SYNE1: variants seen among roughly 807,000 people sequenced by gnomAD.
SYNE1 encodes nesprin-1.
Under a neutral mutation model 1,111.0 loss-of-function variants are expected in SYNE1, and 616 were observed. That is an observed-to-expected ratio of 0.55 (90% CI 0.52 to 0.59). The LOEUF is 0.59. SYNE1 is among the 20% of genes least tolerant of loss of function. The pLI is 0.00. For synonymous variants in SYNE1, 3,855 were observed against 3,825.8 expected, an observed-to-expected ratio of 1.01 and a Z score of -0.28; for missense variants, 10,006 against 10,417.0, an observed-to-expected ratio of 0.96 and a Z score of 1.72.
chr6:152,256,482 G>A, intron 102 of SYNE1, 152 bp downstream of exon 102: 1 of 742,524 alleles, frequency 1.3e-6, no homozygotes. Context: ...TGGGACTCCA[G>A]GGTCCAGTGA....
chr6:152,221,632 GTA>G (rs1318948676), intron 117 of SYNE1, 73 bp from the exon 118 acceptor site: 14 of 1,591,276 alleles, frequency 8.8e-6, no homozygotes, highest in East Asian at 4.5e-5. Context: ...AAAGGAATTT[GTA>G]TATGTTTTCA....
At chr6:152,349,401 G>A (rs1389700843) in intron 72 of SYNE1, among the ~76,000 whole-genome samples, 2 of 152,196 alleles carry the variant, frequency 1.3e-5, no homozygotes, top group Non-Finnish European at 2.9e-5. Context: ...AGATGGGCTG[G>A]TATTGTTATC....
chr6:152,156,275 A>G (rs2061356668), intron 131 of SYNE1, among the ~76,000 whole-genome samples, 178 bp from the exon 132 acceptor site: 1 of 152,234 alleles, frequency 6.6e-6, no homozygotes, highest in Non-Finnish European at 1.5e-5. Flanking sequence ...AGTACTAGAA[A>G]ATGGATGTAG....
At chr6:152,596,875 A>T (rs2099583511) in intron 3 of SYNE1, among the ~76,000 whole-genome samples, 1 of 152,194 alleles carries the variant, frequency 6.6e-6, no homozygotes, top group African/African-American at 2.4e-5. Context: ...GGTTTATTTC[A>T]CAAAGGACTG....
chr6:152,240,096 G>A (rs181444532), intron 107 of SYNE1, among the ~76,000 whole-genome samples: 28 of 152,264 alleles, frequency 1.8e-4, no homozygotes, highest in Non-Finnish European at 3.4e-4. Context: ...CATTTCTAGA[G>A]GAGAGTGAGG....
chr6:152,387,314 T>C lies in SYNE1; in HGVS notation c.8245A>G (p.Met2749Val). ...VERKNQLEQW[M>V]ESVDQKIEHP... The stretch of plus-strand genomic sequence containing the variant: ...TCTATTTTTTGATCCACTGATTCCA[T>C]CCACTGCTCCAACTGGTTTTTCCTC... Residue 2749 changes from methionine to valine, a missense_variant, in exon 54 of 146, where the codon ATG (methionine) becomes GTG (valine). By Grantham distance (21) the Met-to-Val change is conservative. Around this residue, in one of 7 missense-constraint regions of SYNE1, gnomAD observed 4,955 missense variants for 5,017.2 expected, o/e 0.99. Coordinates refer to ENST00000367255, the MANE Select transcript of SYNE1 (RefSeq NM_182961.4). The C allele has an allele frequency of 6.2e-7, 1 of 1,614,210 alleles. No individual in the cohort carries two copies. The highest frequency in any genetic ancestry group is 1.7e-5 in the Admixed American group (1 of 60,034).
intron 137 of SYNE1, chr6:152,147,605 A>T (rs2059740323): frequency 6.0e-6 from 1 of 166,708 alleles, no homozygotes. Context: ...TTCCGAGCCC[A>T]CCTGACCAAC....
intron 135 of SYNE1, among the ~76,000 whole-genome samples, chr6:152,150,938 A>G (rs557338902): frequency 6.6e-6 from 1 of 152,292 alleles, no homozygotes; most frequent in Non-Finnish European, 1.5e-5. Flanking sequence ...AAGGCCAGGA[A>G]GGGTGGCTCA....
Position 152,278,296 on chromosome 6 carries a change from T to C in SYNE1, c.18382-16A>G. The C allele has an allele frequency of 6.2e-7, 1 of 1,613,724 alleles. No individual in the cohort carries two copies. The highest frequency in any genetic ancestry group is 1.1e-5 in the South Asian group (1 of 91,084). On this transcript the variant is annotated splice_polypyrimidine_tract_variant and intron_variant, in intron 97 of 145. Transcript: ENST00000367255. ...CCAGCATATTCTGCAGCAACAGAAA[T>C]AAGAATGAAACTCACACATCTCCCC...
At chr6:152,618,950 C>T (rs989193499) in intron 3 of SYNE1, among the ~76,000 whole-genome samples, 1 of 152,014 alleles carries the variant, frequency 6.6e-6, no homozygotes, top group South Asian at 2.1e-4. Context: ...TAACTGAATA[C>T]TTATGATTAA....
intron 74 of SYNE1, among the ~76,000 whole-genome samples, chr6:152,343,249 C>A (rs1172858595): frequency 1.3e-5 from 2 of 151,228 alleles, no homozygotes; most frequent in African/African-American, 2.4e-5. Context: ...GCCTCCACCT[C>A]CCAGGTTCAA....
At chr6:152,598,406 C>T (rs1439304716) in intron 3 of SYNE1, among the ~76,000 whole-genome samples, 1 of 152,164 alleles carries the variant, frequency 6.6e-6, no homozygotes, top group Non-Finnish European at 1.5e-5. Context: ...TTGTAAATTG[C>T]CCTGTCTAGG....
At chr6:152,270,462 G>A (rs1338748529) in intron 98 of SYNE1, among the ~76,000 whole-genome samples, 1 of 152,136 alleles carries the variant, frequency 6.6e-6, no homozygotes, top group African/African-American at 2.4e-5. Context: ...GACTAAAGGA[G>A]AAAGACCAAA....
chr6:152,315,924 C>T (rs2095706312), intron 87 of SYNE1: 2 of 151,998 alleles, frequency 1.3e-5, no homozygotes, highest in African/African-American at 2.4e-5. Context: ...ACCCTGTAAA[C>T]AAGAATGGAA....
chr6:152,613,527 A>G (rs531582180), intron 3 of SYNE1, among the ~76,000 whole-genome samples: 4 of 152,236 alleles, frequency 2.6e-5, no homozygotes, highest in Non-Finnish European at 5.9e-5. Context: ...AGAACATTCC[A>G]TGCTCATGGA....
At position 152,208,020 on chromosome 6, in the gene SYNE1, A is replaced by T; in HGVS notation, c.22776T>A (p.Ser7592Arg). ...VSYLPMSGLG[S>R]VPIPLQQART... is the part of the protein sequence containing the mutation. ...TTGCTTGTTGCAGTGGTATAGGAAC[A>T]CTTCCGAGACCACTCATGGGGAGGT... is the stretch of plus-strand genomic sequence containing the variant. Residue 7592 changes from serine (S) to arginine (R), a missense_variant, in exon 125 of 146, where the codon AGT becomes AGA. This residue lies in a region of SYNE1 where 2,182 missense variants were observed against 2,287.8 expected (regional missense o/e 0.95). Transcript: ENST00000367255. 6.2e-7 allele frequency: 1 copy of T among 1,614,156 alleles called. No individual in the cohort carries two copies. Among genetic ancestry groups the T allele is most frequent in the South Asian group, 1.1e-5 (1 of 91,088 alleles).
intron 98 of SYNE1, among the ~76,000 whole-genome samples, chr6:152,270,777 T>C (rs1240125385): frequency 2.0e-5 from 3 of 152,092 alleles, no homozygotes; most frequent in African/African-American, 7.2e-5. Flanking sequence ...CTACAGAGAC[T>C]GATAATGGGA....
intron 45 of SYNE1, among the ~76,000 whole-genome samples, chr6:152,406,589 C>G (rs1308111325): frequency 6.6e-6 from 1 of 151,962 alleles, no homozygotes; most frequent in African/African-American, 2.4e-5. Context: ...AGAATAAGGT[C>G]TGGAACAGTG....
In SYNE1 at chr6:152,301,980, C is replaced by T. The variant is rs1306695802; in HGVS notation, c.17430G>A (p.Lys5810=). 7 of 1,614,230 alleles carry T rather than the reference C, an allele frequency of 4.3e-6. No individual in the cohort carries two copies. Among genetic ancestry groups the T allele is most frequent in the South Asian group, 2.2e-5 (2 of 91,082 alleles). The change falls in exon 92 of 146, where the codon AAG becomes AAA. Residue 5810 remains lysine (K), a synonymous_variant. Coordinates refer to ENST00000367255, the MANE Select transcript of SYNE1 (RefSeq NM_182961.4). The stretch of plus-strand genomic sequence containing the variant: ...TCACCGTCAGCAGCATGGTGGCGTG[C>T]TTGGCTTTCATCGTCAGCATCTTGC... The part of the protein sequence containing the change: ...SKCKMLTMKA[K]HATMLLTVTE...
Sources: allele counts gnomAD v4.1 joint callset (sites outside exome capture counted in the v4.1 genomes callset), GRCh38; gene constraint gnomAD v4.1.1; regional missense constraint gnomAD v4.1.1; transcripts MANE v1.5; gene names NCBI Gene and HGNC (gene_info 2026-07-23, HGNC 2026-07-21).